BAZ2B: variants seen among roughly 807,000 people sequenced by gnomAD.
BAZ2B encodes the protein bromodomain adjacent to zinc finger domain protein 2B.
Under a neutral mutation model 246.0 loss-of-function variants are expected in BAZ2B, and 91 were observed. The ratio of observed to expected loss-of-function variants is 0.37; its 90% CI spans 0.31 to 0.44. The LOEUF (loss-of-function observed/expected upper bound fraction) is 0.44, where lower values mean the gene tolerates loss of function less well. Ranked by LOEUF, BAZ2B falls within the 20% of genes least tolerant of loss-of-function variation. The probability of loss-of-function intolerance (pLI) is 1.00; values close to 1 mark genes in which losing one functional copy is unlikely to be tolerated. For synonymous variants in BAZ2B, 855 were observed against 860.0 expected, an observed-to-expected ratio of 0.99 and a Z score of 0.10; for missense variants, 2,332 against 2,533.7, an observed-to-expected ratio of 0.92 and a Z score of 1.71.
intron 20 of BAZ2B, among the ~76,000 whole-genome samples, chr2:159,391,214 T>A (rs946005705): frequency 1.3e-5 from 2 of 152,158 alleles, no homozygotes; most frequent in Non-Finnish European, 2.9e-5. Flanking sequence ...TGAAAGTAGA[T>A]ACTGTAAAAT....
chr2:159,525,640 T>C (rs2151288941), intron 2 of BAZ2B, among the ~76,000 whole-genome samples: 1 of 152,134 alleles, frequency 6.6e-6, no homozygotes, highest in African/African-American at 2.4e-5. Context: ...AAATCTGAAA[T>C]CCCAAAAGCT....
intron 2 of BAZ2B, among the ~76,000 whole-genome samples, chr2:159,552,456 G>C (rs2088411225): frequency 6.6e-6 from 1 of 152,102 alleles, no homozygotes; most frequent in Admixed American, 6.6e-5. Flanking sequence ...GAAGAGGGAG[G>C]AAAGCTAATA....
chr2:159,578,282 A>C (rs1353671617), intron 1 of BAZ2B, among the ~76,000 whole-genome samples: 2 of 152,216 alleles, frequency 1.3e-5, no homozygotes, highest in Non-Finnish European at 2.9e-5. Flanking sequence ...AATACTTTTA[A>C]TGGAGGATCA....
intron 27 of BAZ2B, among the ~76,000 whole-genome samples, chr2:159,363,164 G>A (rs1301692037): frequency 6.6e-6 from 1 of 152,162 alleles, no homozygotes; most frequent in Admixed American, 6.6e-5. Flanking sequence ...GAGCAGTCTG[G>A]GTTGACTAAT....
chr2:159,596,608 G>T (rs1430419546), intron 1 of BAZ2B, among the ~76,000 whole-genome samples: 4 of 152,148 alleles, frequency 2.6e-5, no homozygotes, highest in Non-Finnish European at 5.9e-5. Flanking sequence ...TGATCTGTGA[G>T]ATTTTGGTGC....
At chr2:159,654,194 C>T in the BAZ2B span, among the ~76,000 whole-genome samples, 1 of 152,184 alleles carries the variant, frequency 6.6e-6, no homozygotes, top group African/African-American at 2.4e-5. Flanking sequence ...CGTTTCCCAA[C>T]TGCACGGAGT....
chr2:159,463,065 G>T, intron 3 of BAZ2B: 1 of 718,264 alleles, frequency 1.4e-6, no homozygotes, highest in Non-Finnish European at 2.6e-6. Flanking sequence ...CCATCTTCAC[G>T]GGTGTGAACT....
At chr2:159,366,197 C>T (rs750876) in intron 27 of BAZ2B, among the ~76,000 whole-genome samples, 93,700 of 151,460 alleles carry the variant, frequency 0.62, 31,509 homozygotes, top group Non-Finnish European at 0.78. Flanking sequence ...TGGATCCATG[C>T]CCCACATTAG....
At chr2:159,436,133 TC>T (rs2072246051) in intron 8 of BAZ2B, among the ~76,000 whole-genome samples, 2 of 152,170 alleles carry the variant, frequency 1.3e-5, no homozygotes, top group African/African-American at 4.8e-5. Context: ...CATAATTATG[TC>T]ATGTAATAAT....
At chr2:159,599,999 G>A (rs1463263837) in intron 1 of BAZ2B, among the ~76,000 whole-genome samples, 1 of 151,852 alleles carries the variant, frequency 6.6e-6, no homozygotes. Flanking sequence ...ATAATTGGGG[G>A]TACTATAGTA....
In BAZ2B at chr2:159,348,720, G is replaced by A; in HGVS notation, c.5251C>T (p.His1751Tyr). The A allele has an allele frequency of 6.2e-7, 1 of 1,612,364 alleles. No individual in the cohort carries two copies. The highest frequency in any genetic ancestry group is 8.5e-7 in the Non-Finnish European group (1 of 1,179,612). The change falls in exon 30 of 37, where the codon CAT becomes TAT. Residue 1751 changes from histidine (H) to tyrosine (Y), a missense_variant. His to Tyr is a moderately conservative substitution (Grantham distance 83, BLOSUM62 2). Coordinates refer to ENST00000392783, the MANE Select transcript of BAZ2B (RefSeq NM_013450.4). ...EKALQKQIQKHLDYITQACLK... is the reference protein window; with the variant it reads ...EKALQKQIQKYLDYITQACLK... ...CAGGCTTGAGTAATATAATCCAAAT[G>A]TTTCTGAATTTGTTTTTGTAATGCC... is the stretch of plus-strand genomic sequence containing the variant.
chr2:159,361,605 G>A (rs1331383925), intron 27 of BAZ2B, among the ~76,000 whole-genome samples: 1 of 152,142 alleles, frequency 6.6e-6, no homozygotes, highest in East Asian at 1.9e-4. Flanking sequence ...CCATTACTGG[G>A]TATATATCCA....
intron 1 of BAZ2B, among the ~76,000 whole-genome samples, chr2:159,584,642 A>C (rs1319113393): frequency 6.6e-6 from 1 of 152,190 alleles, no homozygotes; most frequent in Non-Finnish European, 1.5e-5. Flanking sequence ...GAGAGGAGTT[A>C]AGATACAGAA....
At chr2:159,415,232 G>C (rs2067478916) in intron 13 of BAZ2B, among the ~76,000 whole-genome samples, 1 of 151,934 alleles carries the variant, frequency 6.6e-6, no homozygotes, top group Non-Finnish European at 1.5e-5. Flanking sequence ...AGATCAAAAG[G>C]TCAGGAGTTC....
chr2:159,706,135 A>G, the BAZ2B span, among the ~76,000 whole-genome samples: 3 of 133,488 alleles, frequency 2.2e-5, no homozygotes, highest in Non-Finnish European at 5.1e-5. Flanking sequence ...GTGACCATGC[A>G]GAAAGTAAGG....
intron 2 of BAZ2B, among the ~76,000 whole-genome samples, chr2:159,492,678 T>TAC (rs2080632353): frequency 6.6e-6 from 1 of 152,234 alleles, no homozygotes; most frequent in African/African-American, 2.4e-5. Flanking sequence ...AGCAACACTG[T>TAC]AACTATTAAG....
At chr2:159,344,880 G>A (rs1284832891) in intron 31 of BAZ2B, among the ~76,000 whole-genome samples, 1 of 152,002 alleles carries the variant, frequency 6.6e-6, no homozygotes, top group Non-Finnish European at 1.5e-5. Flanking sequence ...GGGAAAAGTG[G>A]GGGCAGGGAG....
At chr2:159,478,265 G>A (rs1244440366) in intron 3 of BAZ2B, among the ~76,000 whole-genome samples, 1 of 152,046 alleles carries the variant, frequency 6.6e-6, no homozygotes, top group Non-Finnish European at 1.5e-5. Context: ...TGTCTACCAA[G>A]GACTTCCTTC....
intron 3 of BAZ2B, among the ~76,000 whole-genome samples, chr2:159,467,181 A>G (rs10166281): frequency 0.086 from 13,081 of 152,162 alleles, 1,839 homozygotes; most frequent in African/African-American, 0.3. Flanking sequence ...AGTGCCAGAC[A>G]AATTTGAGAA....
Sources: gnomAD v4.1 joint callset for allele counts (sites outside exome capture counted in the v4.1 genomes callset) on GRCh38, gnomAD v4.1.1 for gene constraint, MANE v1.5 for transcripts, NCBI Gene and HGNC (gene_info 2026-07-23, HGNC 2026-07-21) for gene names.